Variants in SVEP1 observed in about 807,000 individuals in gnomAD.
SVEP1 encodes the protein sushi, von Willebrand factor type A, EGF and pentraxin domain-containing protein 1.
A neutral mutation model predicts 367.3 loss-of-function variants in SVEP1; 164 were observed. The observed-to-expected ratio is 0.45, with a 90% CI of 0.39 to 0.51. SVEP1 has a LOEUF of 0.51. SVEP1 is among the 20% of genes least tolerant of loss of function. SVEP1 has a pLI of 0.00. For missense variants in SVEP1, 4,117 were observed against 4,425.3 expected (o/e 0.93, Z 1.98); for synonymous variants, 1,666 against 1,611.6 (o/e 1.03, Z -0.81).
At chr9:110,383,278 G>A (rs987049651) in intron 43 of SVEP1, among the ~76,000 whole-genome samples, 1 of 152,052 alleles carries the variant, frequency 6.6e-6, no homozygotes, top group African/African-American at 2.4e-5. Flanking sequence ...TGTTGTTGTT[G>A]TTGCTGCTTT....
At chr9:110,423,168 T>TAAAAAAAAAAAAAA in intron 36 of SVEP1, among the ~76,000 whole-genome samples, 8 of 103,650 alleles carry the variant, frequency 7.7e-5, no homozygotes, top group Non-Finnish European at 1.4e-4. Context: ...AAAAATAAAG[T>TAAAAAAAAAAAAAA]AAAAAAAAAA....
In SVEP1 at chr9:110,386,007, A is replaced by C; in HGVS notation, c.10128T>G (p.Val3376=). The change falls in exon 43 of 48, where the codon GTT becomes GTG. Residue 3376 remains valine (V), a synonymous_variant. Coordinates refer to ENST00000374469, the MANE Select transcript of SVEP1 (RefSeq NM_153366.4). The part of the protein sequence containing the change: ...NALLSEKEFY[V]DQNVSIKCRE... ...TACATTTGATGGACACATTCTGATC[A>C]ACATAAAACTCCTTTTCAGACAGCA... is the stretch of plus-strand genomic sequence containing the variant. The C allele has an allele frequency of 6.2e-7, 1 of 1,613,912 alleles. No individual in the cohort carries two copies. The highest frequency in any genetic ancestry group is 2.2e-5 in the East Asian group (1 of 44,872).
In SVEP1 at chr9:110,407,922, G is replaced by A; in HGVS notation, c.7678C>T (p.Gln2560Ter). The A allele has an allele frequency of 6.2e-7, 1 of 1,614,018 alleles. No homozygotes were observed. Among genetic ancestry groups the A allele is most frequent in the Non-Finnish European group, 8.5e-7 (1 of 1,179,904 alleles). The change falls in exon 38 of 48, where the codon CAA becomes TAA. Residue 2560 changes from glutamine to a stop codon, truncating the protein, a stop_gained. Coordinates refer to ENST00000374469, the MANE Select transcript of SVEP1 (RefSeq NM_153366.4). LOFTEE classifies it high-confidence loss of function. Reference sequence around the variant, plus strand: ...TCTACAAAACCATTTTCAATGGGTTGTGGGGAATCACAGTGGATGGCATTG... The same window carrying A: ...TCTACAAAACCATTTTCAATGGGTTATGGGGAATCACAGTGGATGGCATTG... ...SCNAIHCDSP[Q>*]PIENGFVEGA...
chr9:110,506,519 C>G lies in SVEP1; in HGVS notation c.1304-3302G>C, dbSNP rs571855646. On this transcript the variant is annotated intron_variant, in intron 5 of 47. Transcript: ENST00000374469. ...TGCCATGCCCTCTAGACCTCGCTGTCACCAATCCAAGTTTCCTAGTCTCTG... is the reference window on the plus strand; with the variant it reads ...TGCCATGCCCTCTAGACCTCGCTGTGACCAATCCAAGTTTCCTAGTCTCTG... 1.2e-4 allele frequency among the ~76,000 whole-genome samples: 18 copies of G among 152,298 alleles called. No homozygotes were observed. The South Asian group carries it at 3.5e-3, about 30-fold the overall frequency.
At chr9:110,494,156 A>G (rs1829411377) in intron 8 of SVEP1, among the ~76,000 whole-genome samples, 1 of 152,196 alleles carries the variant, frequency 6.6e-6, no homozygotes, top group Non-Finnish European at 1.5e-5. Flanking sequence ...TTTGCTATGT[A>G]AGGAAACATA....
intron 3 of SVEP1, among the ~76,000 whole-genome samples, chr9:110,520,040 A>T (rs895252519): frequency 3.3e-5 from 5 of 152,218 alleles, no homozygotes; most frequent in Non-Finnish European, 5.9e-5. Context: ...ATTTTTTAAA[A>T]TAATGCTGCA....
At chr9:110,451,916 T>C (rs1045709640) in intron 22 of SVEP1, among the ~76,000 whole-genome samples, 5 of 152,224 alleles carry the variant, frequency 3.3e-5, no homozygotes, top group Admixed American at 6.5e-5. Flanking sequence ...ATGTTATTCA[T>C]AGCCTTTATT....
chr9:110,567,873 T>C (rs1192827743), intron 1 of SVEP1, among the ~76,000 whole-genome samples: 1 of 152,160 alleles, frequency 6.6e-6, no homozygotes, highest in Admixed American at 6.5e-5. Context: ...TTCCTGGAGA[T>C]GACTCTGCCT....
chr9:110,463,972 A>G (rs1034274345), intron 18 of SVEP1, among the ~76,000 whole-genome samples: 33 of 152,192 alleles, frequency 2.2e-4, no homozygotes, highest in African/African-American at 7.7e-4. Flanking sequence ...TTTGGGAATT[A>G]TAACTCCTTA....
intron 43 of SVEP1, among the ~76,000 whole-genome samples, chr9:110,384,442 G>T (rs1027711124): frequency 1.5e-5 from 2 of 129,470 alleles, no homozygotes; most frequent in African/African-American, 5.8e-5. Flanking sequence ...TCGGTGGGAG[G>T]CTCCGGCCAC....
chr9:110,429,130 C>A lies in SVEP1; in HGVS notation c.5807+13G>T. On this transcript the variant is annotated intron_variant, in intron 35 of 47. Coordinates refer to ENST00000374469, the MANE Select transcript of SVEP1 (RefSeq NM_153366.4). ...GTATTGTAGAAAGCTTGGTTGGTGT[C>A]TACAAATGTTACCTGTATCCTGTAT... The A allele has an allele frequency of 6.4e-7, 1 of 1,551,134 alleles. No individual in the cohort carries two copies. Among genetic ancestry groups the A allele is most frequent in the East Asian group, 2.3e-5 (1 of 43,822 alleles).
In SVEP1 at chr9:110,415,366, T is replaced by A. The variant is rs73655345; in HGVS notation, c.5976-3631A>T. Among the ~76,000 whole-genome samples the A allele has an allele frequency of 3.5e-3, 534 of 152,182 alleles. 9 individuals carry two copies. The highest frequency in any genetic ancestry group is 0.012 in the African/African-American group (509 of 41,414). On this transcript the variant is annotated intron_variant, in intron 36 of 47. Coordinates refer to ENST00000374469, the MANE Select transcript of SVEP1 (RefSeq NM_153366.4). ...TGTGTGTATGTACACATGGTAAGCA[T>A]GTGGCTTATATAAGGCCCAGGAGGC...
At chr9:110,423,532 C>G (rs1322896447) in intron 36 of SVEP1, among the ~76,000 whole-genome samples, 1 of 152,052 alleles carries the variant, frequency 6.6e-6, no homozygotes, top group Admixed American at 6.6e-5. Context: ...GAAGTTAATG[C>G]TTTCTAAAGT....
At chr9:110,512,830 C>T (rs1469645187) in intron 5 of SVEP1, 96 bp downstream of exon 5, 1 of 1,454,102 alleles carries the variant, frequency 6.9e-7, no homozygotes, top group Non-Finnish European at 9.6e-7. Context: ...CTATGAAATC[C>T]AAAAAGAAAT....
At chr9:110,411,973 T>C (rs1021149456) in intron 36 of SVEP1, among the ~76,000 whole-genome samples, 1 of 152,230 alleles carries the variant, frequency 6.6e-6, no homozygotes, top group Non-Finnish European at 1.5e-5. Flanking sequence ...ACTTTATCTT[T>C]AAAATAATAT....
At chr9:110,512,381 T>G (rs564790664) in intron 5 of SVEP1, among the ~76,000 whole-genome samples, 1 of 152,082 alleles carries the variant, frequency 6.6e-6, no homozygotes, top group Non-Finnish European at 1.5e-5. Flanking sequence ...TTTTTTTTAT[T>G]GCTTCTCTGT....
intron 24 of SVEP1, 54 bp from the exon 25 acceptor site, chr9:110,447,111 T>C (rs761579182): frequency 1.4e-4 from 180 of 1,326,886 alleles, no homozygotes; most frequent in Non-Finnish European, 1.7e-4. Context: ...AAGTCTCCCA[T>C]TTATGATAAT....
At chr9:110,512,311 A>G (rs1012028032) in intron 5 of SVEP1, among the ~76,000 whole-genome samples, 1 of 152,012 alleles carries the variant, frequency 6.6e-6, no homozygotes, top group Non-Finnish European at 1.5e-5. Context: ...TGACAGTTGT[A>G]AGAAGTAGGA....
chr9:110,379,028 T>C (rs10980350), intron 44 of SVEP1, among the ~76,000 whole-genome samples: 17,143 of 150,710 alleles, frequency 0.11, 1,075 homozygotes, highest in Admixed American at 0.17. Context: ...TAGCAAATAT[T>C]TGTAGAATGA....
Sources: gnomAD v4.1 joint callset for allele counts (sites outside exome capture counted in the v4.1 genomes callset) on GRCh38, gnomAD v4.1.1 for gene constraint, MANE v1.5 for transcripts, NCBI Gene and HGNC (gene_info 2026-07-23, HGNC 2026-07-21) for gene names.